CORO2B: variants seen among roughly 807,000 people sequenced by gnomAD.
CORO2B encodes the protein coronin 2B.
In CORO2B, 26 loss-of-function variants were observed where a neutral mutation model predicts 58.8. The observed-to-expected ratio is 0.44, with a 90% CI of 0.32 to 0.61. The LOEUF (loss-of-function observed/expected upper bound fraction) is 0.61. Ranked by LOEUF, CORO2B falls within the 20% of genes least tolerant of loss-of-function variation. The pLI is 0.04. For missense variants in CORO2B, 460 were observed against 645.1 expected (o/e 0.71, Z 3.11); for synonymous variants, 242 against 253.8 (o/e 0.95, Z 0.44).
At chr15:68,715,653 C>T (rs1418812871) in intron 8 of CORO2B, among the ~76,000 whole-genome samples, 1 of 152,206 alleles carries the variant, frequency 6.6e-6, no homozygotes, top group African/African-American at 2.4e-5. Flanking sequence ...GGTCTAGGCA[C>T]AAGTCCCTTC....
At chr15:68,593,071 C>G (rs888613359) in intron 1 of CORO2B, among the ~76,000 whole-genome samples, 2 of 152,166 alleles carry the variant, frequency 1.3e-5, no homozygotes, top group African/African-American at 4.8e-5. Context: ...GTGTGTGAGA[C>G]AGAGAGAGGA....
At position 68,701,155 on chromosome 15, in the gene CORO2B, C is replaced by A. The variant is rs4776419; in HGVS notation, c.333+5899C>A. Among the ~76,000 whole-genome samples the A allele has an allele frequency of 6.8e-3, 1,035 of 152,134 alleles. 12 individuals are homozygous for A. Among genetic ancestry groups the A allele is most frequent in the African/African-American group, 0.024 (1,001 of 41,460 alleles). On this transcript the variant is annotated intron_variant, in intron 3 of 11. Transcript: ENST00000261861. Reference sequence around the variant, plus strand: ...AGGTAGCCCTGAGGGGCCAGTGCGCCGAGTGGGTCTTCACTAATGATTTAG... The same window carrying A: ...AGGTAGCCCTGAGGGGCCAGTGCGCAGAGTGGGTCTTCACTAATGATTTAG...
At chr15:68,723,116 CTTTTTTTTT>C (rs767517372) in intron 11 of CORO2B, among the ~76,000 whole-genome samples, 23,824 of 91,906 alleles carry the variant, frequency 0.26, 2,699 homozygotes, top group Non-Finnish European at 0.32. Flanking sequence ...TACATACATT[CTTTTTTTTT>C]TTTTTTTTTT....
intron 1 of CORO2B, among the ~76,000 whole-genome samples, chr15:68,630,442 A>T (rs1900797837): frequency 6.6e-6 from 1 of 151,386 alleles, no homozygotes; most frequent in Non-Finnish European, 1.5e-5. Flanking sequence ...TGTTCCTGGC[A>T]GGGGCAGGCC....
intron 1 of CORO2B, among the ~76,000 whole-genome samples, chr15:68,612,823 G>A (rs1167064314): frequency 6.6e-6 from 1 of 152,210 alleles, no homozygotes; most frequent in African/African-American, 2.4e-5. Flanking sequence ...TAGCTTGGGA[G>A]TTCCCAGCAG....
intron 1 of CORO2B, among the ~76,000 whole-genome samples, chr15:68,611,335 C>CT (rs1900243175): frequency 6.6e-6 from 1 of 152,154 alleles, no homozygotes; most frequent in South Asian, 2.1e-4. Context: ...TGAAATCATA[C>CT]TTTGCCCTAC....
chr15:68,684,262 C>G (rs956665406), intron 2 of CORO2B, among the ~76,000 whole-genome samples: 2 of 152,204 alleles, frequency 1.3e-5, no homozygotes, highest in African/African-American at 2.4e-5. Flanking sequence ...CTAAAAGGCT[C>G]CTGTCAATAT....
chr15:68,552,524 C>T, the CORO2B span, among the ~76,000 whole-genome samples: 1 of 152,100 alleles, frequency 6.6e-6, no homozygotes, highest in South Asian at 2.1e-4. Context: ...TATCTGTTGC[C>T]TCGGTGACAA....
At chr15:68,715,388 C>T in intron 8 of CORO2B, 77 bp downstream of exon 8, 1 of 1,033,018 alleles carries the variant, frequency 9.7e-7, no homozygotes, top group Non-Finnish European at 1.5e-6. Context: ...CACCCCCTCC[C>T]TTAAGTGGAA....
At chr15:68,631,986 C>G (rs1386940682) in intron 1 of CORO2B, 1 of 985,464 alleles carries the variant, frequency 1.0e-6, no homozygotes, top group Non-Finnish European at 1.2e-6. Flanking sequence ...TGGTTGCTAG[C>G]AACAGATTCT....
chr15:68,609,707 G>C (rs1427199668), intron 1 of CORO2B, among the ~76,000 whole-genome samples: 4 of 152,170 alleles, frequency 2.6e-5, no homozygotes, highest in African/African-American at 9.7e-5. Context: ...AGGACATCCT[G>C]TGACTTAACC....
chr15:68,590,241 C>T lies in CORO2B; in HGVS notation c.15+10964C>T, dbSNP rs193232086. On this transcript the variant is annotated intron_variant, in intron 1 of 11. Transcript: ENST00000261861. ...AAACAAAGCTGCCCCTCTGCACCACCGCCCCCCTCTCCCAGGACCAGAGTG... is the reference window on the plus strand; with the variant it reads ...AAACAAAGCTGCCCCTCTGCACCACTGCCCCCCTCTCCCAGGACCAGAGTG... Among the ~76,000 whole-genome samples, 33 of 152,106 alleles carry T rather than the reference C, an allele frequency of 2.2e-4. No homozygotes were observed. In the East Asian group the frequency reaches 6.2e-3, roughly 29 times the overall value.
rs139335081 is a variant in CORO2B, at chr15:68,692,632, CT to C, written c.217-2498del. Among the ~76,000 whole-genome samples, 955 of 139,238 alleles carry C rather than the reference CT, an allele frequency of 6.9e-3. 10 individuals are homozygous for C. The highest frequency in any genetic ancestry group is 0.023 in the African/African-American group (866 of 37,976). 91.3% of individuals were successfully genotyped at this position (139,238 alleles called of 152,430 possible). ...TTAACATTAAAATTTAAAAACTTTC[CT>C]TTTTTTTTTGTTTTTTTGAAGACAG... On this transcript the variant is annotated intron_variant, in intron 2 of 11. Coordinates refer to ENST00000261861, the MANE Select transcript of CORO2B (RefSeq NM_006091.5).
intron 2 of CORO2B, among the ~76,000 whole-genome samples, chr15:68,692,938 A>G (rs1892419191): frequency 6.6e-6 from 1 of 152,126 alleles, no homozygotes; most frequent in African/African-American, 2.4e-5. Context: ...CTGGCCTAAA[A>G]AATTATATTC....
chr15:68,718,197 C>CACT (rs1253618371), intron 8 of CORO2B, among the ~76,000 whole-genome samples: 1 of 152,226 alleles, frequency 6.6e-6, no homozygotes, highest in Non-Finnish European at 1.5e-5. Context: ...AGACATAGAA[C>CACT]AGAACAGCAA....
At chr15:68,682,964 G>A (rs911787503) in intron 2 of CORO2B, among the ~76,000 whole-genome samples, 1 of 152,194 alleles carries the variant, frequency 6.6e-6, no homozygotes, top group South Asian at 2.1e-4. Flanking sequence ...TTCCCTCCTC[G>A]TTCCTTGGGC....
chr15:68,648,161 C>T (rs1355328940), intron 2 of CORO2B, among the ~76,000 whole-genome samples: 3 of 148,716 alleles, frequency 2.0e-5, no homozygotes, highest in African/African-American at 5.0e-5. Flanking sequence ...GGTGAAACCC[C>T]GCCTCTACTA....
intron 3 of CORO2B, among the ~76,000 whole-genome samples, chr15:68,699,603 G>T (rs1892592890): frequency 6.6e-6 from 1 of 152,160 alleles, no homozygotes; most frequent in Non-Finnish European, 1.5e-5. Flanking sequence ...CAGGCCAGCT[G>T]CCCCAGAAGT....
At chr15:68,523,527 A>G in the CORO2B span, among the ~76,000 whole-genome samples, 21 of 152,208 alleles carry the variant, frequency 1.4e-4, no homozygotes, top group Admixed American at 9.8e-4. Flanking sequence ...CCCAGAGACC[A>G]TGAAAGGTTT....
Sources: allele counts gnomAD v4.1 joint callset (sites outside exome capture counted in the v4.1 genomes callset), GRCh38; gene constraint gnomAD v4.1.1; transcripts MANE v1.5; gene names NCBI Gene and HGNC (gene_info 2026-07-23, HGNC 2026-07-21).